Variants in TEKT5 observed in about 807,000 individuals in gnomAD.
TEKT5 encodes the protein tektin 5, also known as tektin-5.
TEKT5 carries 52 observed loss-of-function variants against 48.7 expected under a neutral mutation model. The ratio of observed to expected loss-of-function variants is 1.07; its 90% CI spans 0.86 to 1.35. The LOEUF is 1.35. TEKT5 is among the 40% of genes most tolerant of loss of function. TEKT5 has a pLI of 0.00. For synonymous variants in TEKT5, 318 were observed against 267.6 expected (o/e 1.19, Z -1.84); for missense variants, 831 against 641.6 (o/e 1.30, Z -3.19).
chr16:10,635,897 C>T lies in TEKT5; in HGVS notation c.1108G>A (p.Ala370Thr), dbSNP rs1286579011. 1.2e-6 allele frequency: 2 copies of T among 1,613,982 alleles called. No individual in the cohort carries two copies. Among genetic ancestry groups the T allele is most frequent in the East Asian group, 2.2e-5 (1 of 44,874 alleles). ...LAKTLQEIFQ[A>T]ENTIMLLERS... is the part of the protein sequence containing the mutation. ...TCCAGCAGCATGATGGTGTTCTCGG[C>T]CTGGAAGATCTCCTGCAGCGTCTGC... is the stretch of plus-strand genomic sequence containing the variant. Residue 370 changes from alanine to threonine, a missense_variant, in exon 6 of 7, where the codon GCC becomes ACC. Ala to Thr is a moderately conservative substitution (Grantham distance 58). Coordinates refer to ENST00000283025, the MANE Select transcript of TEKT5 (RefSeq NM_144674.2).
intron 6 of TEKT5, among the ~76,000 whole-genome samples, chr16:10,631,687 G>C (rs1333910508): frequency 6.6e-6 from 1 of 152,098 alleles, no homozygotes; most frequent in Non-Finnish European, 1.5e-5. Flanking sequence ...AGGGAGGTTT[G>C]AGACATGGAG....
At chr16:10,663,408 T>C (rs1898407252) in intron 5 of TEKT5, among the ~76,000 whole-genome samples, 1 of 152,202 alleles carries the variant, frequency 6.6e-6, no homozygotes, top group Admixed American at 6.5e-5. Context: ...GCAAATTTAT[T>C]GTTTTCCAAA....
In TEKT5 at chr16:10,681,983, T is replaced by C. The variant is rs552935935; in HGVS notation, c.863+10A>G. On this transcript the variant is annotated intron_variant, in intron 4 of 6. Coordinates refer to ENST00000283025, the MANE Select transcript of TEKT5 (RefSeq NM_144674.2). ...ACGCCAGGGATGGGGAGGGGGAGTC[T>C]GATACTTACGTGCCGTCAATTTTCT... The C allele has an allele frequency of 1.2e-6, 2 of 1,613,466 alleles. No homozygotes were observed. Among genetic ancestry groups the C allele is most frequent in the East Asian group, 2.2e-5 (1 of 44,874 alleles).
chr16:10,683,550 G>A (rs953413990), intron 3 of TEKT5, among the ~76,000 whole-genome samples: 15 of 152,156 alleles, frequency 9.9e-5, no homozygotes, highest in Admixed American at 8.5e-4. Flanking sequence ...TACCAAACTC[G>A]ACTATTTACT....
chr16:10,660,552 T>G (rs1436352375), intron 5 of TEKT5, among the ~76,000 whole-genome samples: 1 of 152,106 alleles, frequency 6.6e-6, no homozygotes, highest in African/African-American at 2.4e-5. Context: ...AGACAGAGAC[T>G]GGCCAGGTAA....
intron 5 of TEKT5, among the ~76,000 whole-genome samples, chr16:10,640,074 C>CTTCTCCTTCCTTCCT (rs1555464845): frequency 4.4e-5 from 6 of 136,556 alleles, no homozygotes; most frequent in African/African-American, 1.8e-4. Context: ...TTTCTTTCTC[C>CTTCTCCTTCCTTCCT]TTCTTCTCCT....
chr16:10,635,914 A>C lies in TEKT5; in HGVS notation c.1091T>G (p.Leu364Arg). The change falls in exon 6 of 7, where the codon CTG (leucine) becomes CGG (arginine). Residue 364 changes from leucine (L) to arginine (R), a missense_variant. By Grantham distance (102) the Leu-to-Arg change is moderately radical. Coordinates refer to ENST00000283025, the MANE Select transcript of TEKT5 (RefSeq NM_144674.2). ...NKLQTQLAKT[L>R]QEIFQAENTI... The stretch of plus-strand genomic sequence containing the variant: ...GTTCTCGGCCTGGAAGATCTCCTGC[A>C]GCGTCTGCGAGGGAACACACAGGTG... 1 of 1,613,684 alleles carries C rather than the reference A, an allele frequency of 6.2e-7. No individual in the cohort carries two copies. Among genetic ancestry groups the C allele is most frequent in the Non-Finnish European group, 8.5e-7 (1 of 1,179,988 alleles).
intron 6 of TEKT5, among the ~76,000 whole-genome samples, chr16:10,633,233 C>T (rs574568820): frequency 2.4e-4 from 36 of 152,200 alleles, no homozygotes; most frequent in South Asian, 1.0e-3. Context: ...TGGTGGCAGG[C>T]GAGTGTAATC....
intron 6 of TEKT5, among the ~76,000 whole-genome samples, chr16:10,635,006 T>C (rs1394378969): frequency 6.6e-6 from 1 of 152,156 alleles, no homozygotes; most frequent in African/African-American, 2.4e-5. Context: ...CACTACCTTT[T>C]GGGGTACTTT....
rs139455940 is a variant in TEKT5 at position 10,631,462 on chromosome 16, G to A, written c.1242-3663C>T. 2.3e-3 allele frequency among the ~76,000 whole-genome samples: 354 copies of A among 152,156 alleles called. 2 individuals carry two copies. Among genetic ancestry groups the A allele is most frequent in the Admixed American group, 6.2e-3 (95 of 15,262 alleles). On this transcript the variant is annotated intron_variant, in intron 6 of 6. Transcript: ENST00000283025. ...TGGAAGGGGGCAAGAGTAGAGGCAG[G>A]AGAAAGGTTAGGAGGTTATTGTGAA...
At chr16:10,675,608 G>C (rs1026082585) in intron 5 of TEKT5, among the ~76,000 whole-genome samples, 4 of 152,158 alleles carry the variant, frequency 2.6e-5, no homozygotes, top group Admixed American at 6.5e-5. Flanking sequence ...GAGAAGATGT[G>C]CAGAAGTGGC....
At chr16:10,669,474 A>T (rs1898518880) in intron 5 of TEKT5, among the ~76,000 whole-genome samples, 1 of 152,142 alleles carries the variant, frequency 6.6e-6, no homozygotes, top group Non-Finnish European at 1.5e-5. Flanking sequence ...AAAAATTATA[A>T]AAGGGAGATT....
At position 10,652,986 on chromosome 16, in the gene TEKT5, T is replaced by C. The variant is rs118153556; in HGVS notation, c.1087-17068A>G. Among the ~76,000 whole-genome samples, 1,078 of 151,072 alleles carry C rather than the reference T, an allele frequency of 7.1e-3. 7 individuals are homozygous for C. The highest frequency in any genetic ancestry group is 0.011 in the South Asian group (52 of 4,756). ...ATATACACAGGCAGAGACGCACACA[T>C]GCACAGAGCTGGCATCTCTCTGCCC... On this transcript the variant is annotated intron_variant, in intron 5 of 6. Coordinates refer to ENST00000283025, the MANE Select transcript of TEKT5 (RefSeq NM_144674.2).
chr16:10,674,619 A>G (rs1898611737), intron 5 of TEKT5, among the ~76,000 whole-genome samples: 3 of 26,474 alleles, frequency 1.1e-4, no homozygotes, highest in Non-Finnish European at 4.0e-4. Flanking sequence ...TCATCTCAGA[A>G]AAAAAAAAAA....
chr16:10,631,685 T>C (rs1287051578), intron 6 of TEKT5, among the ~76,000 whole-genome samples: 3 of 151,582 alleles, frequency 2.0e-5, no homozygotes, highest in African/African-American at 7.3e-5. Context: ...AGAGGGAGGT[T>C]TGAGACATGG....
intron 5 of TEKT5, among the ~76,000 whole-genome samples, chr16:10,652,220 G>A (rs570103216): frequency 1.9e-3 from 292 of 152,110 alleles, no homozygotes; most frequent in Non-Finnish European, 3.0e-3. Context: ...TCACTGCCTC[G>A]GCACACAGAG....
chr16:10,657,260 G>A (rs1898277622), intron 5 of TEKT5, among the ~76,000 whole-genome samples: 3 of 151,874 alleles, frequency 2.0e-5, no homozygotes, highest in Admixed American at 1.3e-4. Flanking sequence ...TGAGTAGCTG[G>A]GATTACAGGC....
intron 6 of TEKT5, among the ~76,000 whole-genome samples, chr16:10,633,285 C>T (rs775666480): frequency 3.9e-5 from 6 of 152,184 alleles, no homozygotes; most frequent in Non-Finnish European, 5.9e-5. Flanking sequence ...CTCTTGAACC[C>T]GGGAGGTGGA....
At chr16:10,655,091 T>G (rs1898238607) in intron 5 of TEKT5, among the ~76,000 whole-genome samples, 1 of 151,978 alleles carries the variant, frequency 6.6e-6, no homozygotes, top group African/African-American at 2.4e-5. Flanking sequence ...GAAGAGAGAC[T>G]TATTGCTGGA....
Sources: allele counts gnomAD v4.1 joint callset (sites outside exome capture counted in the v4.1 genomes callset), GRCh38; gene constraint gnomAD v4.1.1; transcripts MANE v1.5; gene names NCBI Gene and HGNC (gene_info 2026-07-23, HGNC 2026-07-21).